Variants in IQCM observed in about 807,000 individuals in gnomAD.
IQCM encodes the protein IQ motif containing M, also known as IQ domain-containing protein M.
IQCM carries 45 observed loss-of-function variants against 57.6 expected under a neutral mutation model. The observed-to-expected ratio is 0.78, with a 90% CI of 0.62 to 1.00. The LOEUF (loss-of-function observed/expected upper bound fraction) is 1.00, where lower values mean the gene tolerates loss of function less well. IQCM is among the 50% of genes least tolerant of loss of function. The probability of loss-of-function intolerance (pLI) is 0.00; values close to 1 mark genes in which losing one functional copy is unlikely to be tolerated. For synonymous variants in IQCM, 148 were observed against 158.9 expected (o/e 0.93, Z 0.51); for missense variants, 468 against 511.6 (o/e 0.91, Z 0.82).
chr4:149,604,699 A>T (rs1754619910), intron 8 of IQCM, among the ~76,000 whole-genome samples: 1 of 152,156 alleles, frequency 6.6e-6, no homozygotes, highest in Non-Finnish European at 1.5e-5. Flanking sequence ...CTAGTTCATA[A>T]ATTTATTCCT....
At chr4:149,362,440 T>C (rs916872468) in intron 13 of IQCM, among the ~76,000 whole-genome samples, 2 of 152,140 alleles carry the variant, frequency 1.3e-5, no homozygotes, top group African/African-American at 4.8e-5. Context: ...CCATGTGTTG[T>C]GGGAGGGACC....
intron 5 of IQCM, among the ~76,000 whole-genome samples, chr4:149,690,596 A>G (rs1276814220): frequency 6.6e-6 from 1 of 152,116 alleles, no homozygotes; most frequent in Non-Finnish European, 1.5e-5. Context: ...TTTAAGAAAT[A>G]AAACATATGG....
chr4:149,375,377 A>G (rs1730639692), intron 13 of IQCM, among the ~76,000 whole-genome samples: 1 of 152,166 alleles, frequency 6.6e-6, no homozygotes, highest in Admixed American at 6.6e-5. Flanking sequence ...CAGAGAGATC[A>G]AGAACTATGT....
At chr4:149,468,827 G>C (rs1739170164) in intron 12 of IQCM, among the ~76,000 whole-genome samples, 1 of 152,216 alleles carries the variant, frequency 6.6e-6, no homozygotes, top group African/African-American at 2.4e-5. Context: ...AATATTTGCT[G>C]TTCTGCAGCC....
chr4:149,601,327 A>G (rs561360845), intron 8 of IQCM, among the ~76,000 whole-genome samples: 3 of 152,248 alleles, frequency 2.0e-5, no homozygotes, highest in Admixed American at 6.5e-5. Context: ...ATACCTTCAA[A>G]TCTATCTCTG....
intron 12 of IQCM, among the ~76,000 whole-genome samples, chr4:149,434,715 T>C (rs377196381): frequency 2.0e-5 from 3 of 152,204 alleles, no homozygotes; most frequent in South Asian, 2.1e-4. Flanking sequence ...CCTCACAATA[T>C]GGCATGATTT....
chr4:149,786,193 A>T (rs986480341), intron 2 of IQCM, among the ~76,000 whole-genome samples: 9 of 152,154 alleles, frequency 5.9e-5, no homozygotes, highest in Admixed American at 2.6e-4. Context: ...ACTCACACAA[A>T]ATTAGCCTTA....
intron 13 of IQCM, among the ~76,000 whole-genome samples, chr4:149,392,367 C>G (rs770644149): frequency 1.3e-5 from 2 of 151,940 alleles, no homozygotes; most frequent in Non-Finnish European, 2.9e-5. Flanking sequence ...ATTTGTTAAT[C>G]TCTATCAACT....
At chr4:149,650,964 C>T (rs920207316) in intron 7 of IQCM, among the ~76,000 whole-genome samples, 1 of 152,064 alleles carries the variant, frequency 6.6e-6, no homozygotes, top group African/African-American at 2.4e-5. Flanking sequence ...CAGTCTTTGC[C>T]CCTTTTTTCT....
intron 13 of IQCM, among the ~76,000 whole-genome samples, chr4:149,382,850 T>C (rs1731170545): frequency 6.6e-6 from 1 of 152,140 alleles, no homozygotes; most frequent in South Asian, 2.1e-4. Flanking sequence ...GAGGCTCTGA[T>C]ACATCAGTTA....
intron 2 of IQCM, among the ~76,000 whole-genome samples, chr4:149,814,540 T>A (rs1284902730): frequency 2.6e-5 from 4 of 151,234 alleles, no homozygotes; most frequent in African/African-American, 9.8e-5. Flanking sequence ...CCAAAAAAAA[T>A]AGACTGTAAA....
At chr4:149,526,642 A>G (rs562327237) in intron 12 of IQCM, among the ~76,000 whole-genome samples, 1 of 152,152 alleles carries the variant, frequency 6.6e-6, no homozygotes, top group Admixed American at 6.5e-5. Flanking sequence ...ATGTATAAAT[A>G]TACTATAATG....
At chr4:149,489,691 C>G (rs2149771831) in intron 12 of IQCM, among the ~76,000 whole-genome samples, 1 of 151,858 alleles carries the variant, frequency 6.6e-6, no homozygotes, top group African/African-American at 2.4e-5. Context: ...GAATGAAATA[C>G]TGTTGTTTAA....
chr4:149,555,377 G>A (rs1749480352), intron 10 of IQCM, among the ~76,000 whole-genome samples: 1 of 151,320 alleles, frequency 6.6e-6, no homozygotes. Flanking sequence ...ATGCACACAC[G>A]TGAACTTCAT....
chr4:149,813,470 C>A (rs554992091), intron 2 of IQCM, among the ~76,000 whole-genome samples: 1 of 152,130 alleles, frequency 6.6e-6, no homozygotes, highest in African/African-American at 2.4e-5. Flanking sequence ...AAAGCTCAAT[C>A]TTAAGTCAGT....
Position 149,548,352 on chromosome 4 carries a change from A to G in IQCM, c.1228+103T>C, listed in dbSNP as rs540097955. 127 of 937,964 alleles carry G rather than the reference A, an allele frequency of 1.4e-4. No individual in the cohort carries two copies. In the African/African-American group the frequency reaches 1.8e-3, roughly 13 times the overall value. The allele number at this position is 937,964 out of a possible 1,614,324, so 58.1% of individuals were successfully genotyped here. A position where few individuals can be genotyped will look rare whatever the true frequency, so the allele number is the denominator to read the frequency against. ...CAAAAAGTTTAGTAAAAGTAAGGGA[A>G]GGAATGAAGAAAGGAAGAGAACAAC... On this transcript the variant is annotated intron_variant, in intron 12 of 13. Transcript: ENST00000636793.
intron 2 of IQCM, among the ~76,000 whole-genome samples, chr4:149,768,493 T>C (rs988254534): frequency 2.0e-5 from 3 of 152,106 alleles, no homozygotes; most frequent in Non-Finnish European, 4.4e-5. Context: ...TATTATTACA[T>C]TGCTTTAAAA....
intron 12 of IQCM, among the ~76,000 whole-genome samples, chr4:149,486,506 T>G (rs1741533067): frequency 6.6e-6 from 1 of 152,084 alleles, no homozygotes; most frequent in African/African-American, 2.4e-5. Context: ...CCCAGCACTT[T>G]GGGAGGCTGA....
intron 2 of IQCM, among the ~76,000 whole-genome samples, chr4:149,804,981 G>C (rs1236227019): frequency 5.3e-5 from 8 of 151,990 alleles, no homozygotes; most frequent in African/African-American, 1.9e-4. Context: ...CTCTAATCTT[G>C]AATGATGATG....
Sources: gnomAD v4.1 joint callset for allele counts (sites outside exome capture counted in the v4.1 genomes callset) on GRCh38, gnomAD v4.1.1 for gene constraint, MANE v1.5 for transcripts, NCBI Gene and HGNC (gene_info 2026-07-23, HGNC 2026-07-21) for gene names.